The following KIAA1671 variants were observed in gnomAD, a reference collection of about 807,000 sequenced individuals.
KIAA1671 encodes KIAA1671, also known as uncharacterized protein KIAA1671.
Under a neutral mutation model 131.2 loss-of-function variants are expected in KIAA1671, and 52 were observed. The ratio of observed to expected loss-of-function variants is 0.40; its 90% CI spans 0.32 to 0.50. The LOEUF is 0.50. KIAA1671 is among the 20% of genes least tolerant of loss of function. The pLI is 0.73. For synonymous variants in KIAA1671, 1,003 were observed against 961.6 expected, an observed-to-expected ratio of 1.04 and a Z score of -0.80; for missense variants, 2,360 against 2,364.2, an observed-to-expected ratio of 1.00 and a Z score of 0.04.
At chr22:25,168,675 A>G (rs1032093425) in intron 6 of KIAA1671, among the ~76,000 whole-genome samples, 1 of 152,020 alleles carries the variant, frequency 6.6e-6, no homozygotes, top group African/African-American at 2.4e-5. Flanking sequence ...CCTGGGAGAC[A>G]GGGTGGGACT....
intron 6 of KIAA1671, among the ~76,000 whole-genome samples, chr22:25,123,238 C>G (rs1932030388): frequency 7.3e-6 from 1 of 137,704 alleles, no homozygotes; most frequent in South Asian, 2.4e-4. Flanking sequence ...GCTCTGTCGC[C>G]CAGGCTGGAG....
At chr22:24,994,037 C>G (rs530323275) in intron 1 of KIAA1671, among the ~76,000 whole-genome samples, 1 of 151,846 alleles carries the variant, frequency 6.6e-6, no homozygotes, top group Non-Finnish European at 1.5e-5. Flanking sequence ...GCCAAGATCA[C>G]GCCATTGCAC....
intron 7 of KIAA1671, among the ~76,000 whole-genome samples, chr22:25,173,520 A>G (rs1043711141): frequency 6.6e-6 from 1 of 152,226 alleles, no homozygotes; most frequent in African/African-American, 2.4e-5. Context: ...AGCACTGCCC[A>G]GCAGAAATAC....
At chr22:25,112,749 T>A in intron 6 of KIAA1671, 1 of 203,734 alleles carries the variant, frequency 4.9e-6, no homozygotes, top group Non-Finnish European at 9.7e-6. Flanking sequence ...TATGTTTAAG[T>A]GTGAACACCC....
At chr22:25,054,572 G>A (rs1430412188) in intron 6 of KIAA1671, 1 of 149,696 alleles carries the variant, frequency 6.7e-6, no homozygotes, top group Admixed American at 6.6e-5. Flanking sequence ...GTGAGGTATG[G>A]GGGAGGGAGT....
At chr22:25,051,079 T>C (rs1927507463) in intron 6 of KIAA1671, 1 of 152,580 alleles carries the variant, frequency 6.6e-6, no homozygotes, top group African/African-American at 2.4e-5. Context: ...GGCTCTTTCC[T>C]TCTGGCCTCT....
Position 25,131,341 on chromosome 22 carries a change from A to C in KIAA1671, c.4531-39479A>C, listed in dbSNP as rs910671708. Among the ~76,000 whole-genome samples the C allele has an allele frequency of 4.6e-5, 7 of 152,270 alleles. No individual in the cohort carries two copies. In the East Asian group the frequency reaches 9.7e-4, roughly 21 times the overall value. On this transcript the variant is annotated intron_variant, in intron 6 of 12. Coordinates refer to ENST00000358431, the MANE Select transcript of KIAA1671 (RefSeq NM_001145206.2). ...ACAGGTTTGGGGCTTAGGATGCACA[A>C]AGTGCCCGGCACGTGCCTGGTACCT...
chr22:25,119,675 G>T (rs1385474015), intron 6 of KIAA1671, among the ~76,000 whole-genome samples: 1 of 152,248 alleles, frequency 6.6e-6, no homozygotes. Flanking sequence ...TTTAGGAACA[G>T]TGGTCAGGAA....
In KIAA1671 at chr22:25,029,284, G is replaced by GGA; in HGVS notation, c.1289_1290dup (p.Trp431SerfsTer48). 6.6e-7 allele frequency: 1 copy of GGA among 1,515,714 alleles called. No homozygotes were observed. The highest frequency in any genetic ancestry group is 1.3e-5 in the South Asian group (1 of 77,930). 93.9% of individuals were successfully genotyped at this position (1,515,714 alleles called of 1,614,324 possible). ...GGCGGATGGGGAGGCCGCGGCAGGG[G>GGA]GAGAGTGGGCCTCCAGGAGGAGTGT... On this transcript the variant is annotated frameshift_variant, in exon 3 of 13. Transcript: ENST00000358431. LOFTEE classifies it high-confidence loss of function.
At chr22:25,077,722 T>C (rs1239460122) in intron 6 of KIAA1671, among the ~76,000 whole-genome samples, 3 of 152,188 alleles carry the variant, frequency 2.0e-5, no homozygotes, top group Non-Finnish European at 2.9e-5. Context: ...GAAATCACTG[T>C]GGTTTTCATT....
intron 6 of KIAA1671, among the ~76,000 whole-genome samples, chr22:25,158,159 C>A (rs922110939): frequency 6.6e-6 from 1 of 152,174 alleles, no homozygotes; most frequent in Non-Finnish European, 1.5e-5. Context: ...TTTTAAAAAG[C>A]AACAAGAATT....
chr22:25,090,796 A>T (rs1212277919), intron 6 of KIAA1671, among the ~76,000 whole-genome samples: 1 of 152,230 alleles, frequency 6.6e-6, no homozygotes, highest in Non-Finnish European at 1.5e-5. Context: ...AAACCAATGG[A>T]TGGTGGCTCT....
intron 1 of KIAA1671, among the ~76,000 whole-genome samples, chr22:24,970,414 C>A (rs552232771): frequency 2.1e-3 from 322 of 152,310 alleles, no homozygotes; most frequent in Non-Finnish European, 3.8e-3. Flanking sequence ...TTGGAGACAT[C>A]TGTAGGGAAG....
At chr22:25,113,349 C>T (rs1931479348) in intron 6 of KIAA1671, among the ~76,000 whole-genome samples, 1 of 152,210 alleles carries the variant, frequency 6.6e-6, no homozygotes, top group Admixed American at 6.5e-5. Flanking sequence ...AGACCTGAGC[C>T]TAAAGAGAGG....
At chr22:24,953,939 C>T (rs1003858090) in intron 1 of KIAA1671, among the ~76,000 whole-genome samples, 3 of 152,074 alleles carry the variant, frequency 2.0e-5, no homozygotes, top group African/African-American at 2.4e-5. Context: ...CTATCTGAAT[C>T]CAGATGGGGA....
chr22:25,118,144 A>C (rs1931770520), intron 6 of KIAA1671, among the ~76,000 whole-genome samples: 1 of 108,346 alleles, frequency 9.2e-6, no homozygotes, highest in African/African-American at 3.6e-5. Context: ...GTCTCAAAAA[A>C]AAAAAAAAAA....
intron 6 of KIAA1671, chr22:25,053,341 T>A (rs1438119115): frequency 3.9e-5 from 6 of 152,256 alleles, no homozygotes; most frequent in Non-Finnish European, 7.3e-5. Flanking sequence ...CCCCAGGAAG[T>A]GAGCTTTGGT....
At chr22:25,033,802 G>A (rs1325183646) in intron 4 of KIAA1671, among the ~76,000 whole-genome samples, 1 of 151,756 alleles carries the variant, frequency 6.6e-6, no homozygotes, top group African/African-American at 2.4e-5. Context: ...GGATGGTCTC[G>A]ATCTCCTGAC....
intron 1 of KIAA1671, chr22:25,024,214 G>T (rs1925818483): frequency 6.6e-6 from 1 of 152,174 alleles, no homozygotes; most frequent in Non-Finnish European, 1.5e-5. Flanking sequence ...TGGGTTCAAG[G>T]TTCCCAAAGT....
Sources: allele counts gnomAD v4.1 joint callset (sites outside exome capture counted in the v4.1 genomes callset), GRCh38; gene constraint gnomAD v4.1.1; transcripts MANE v1.5; gene names NCBI Gene and HGNC (gene_info 2026-07-23, HGNC 2026-07-21).